The following PLXNA4 variants were observed in gnomAD, a reference collection of about 807,000 sequenced individuals.
PLXNA4 encodes the protein plexin-A4.
A neutral mutation model predicts 191.8 loss-of-function variants in PLXNA4; 44 were observed. The ratio of observed to expected loss-of-function variants is 0.23; its 90% CI spans 0.18 to 0.29. The LOEUF (loss-of-function observed/expected upper bound fraction) is 0.29, where lower values mean the gene tolerates loss of function less well. Among genes scored for constraint, PLXNA4 ranks in the 10% least tolerant of loss-of-function variants. The pLI, the probability that PLXNA4 is intolerant of heterozygous loss-of-function variation, is 1.00. For missense variants in PLXNA4, 1,800 were observed against 2,488.8 expected (o/e 0.72, Z 5.89); for synonymous variants, 1,082 against 1,009.5 (o/e 1.07, Z -1.36).
At chr7:132,286,840 C>G (rs896586373) in intron 4 of PLXNA4, among the ~76,000 whole-genome samples, 12 of 152,218 alleles carry the variant, frequency 7.9e-5, no homozygotes, top group African/African-American at 2.7e-4. Context: ...TGGGAGACCA[C>G]AGCCTCCTGG....
chr7:132,641,443 A>T (rs1789658645), intron 2 of PLXNA4, among the ~76,000 whole-genome samples: 1 of 152,126 alleles, frequency 6.6e-6, no homozygotes, highest in Non-Finnish European at 1.5e-5. Context: ...GACACCAGTC[A>T]TGTTGGATGA....
At chr7:132,354,186 CGTGTGT>C (rs59554805) in intron 3 of PLXNA4, among the ~76,000 whole-genome samples, 5 of 132,568 alleles carry the variant, frequency 3.8e-5, no homozygotes, top group African/African-American at 1.5e-4. Context: ...ACAGTGTGTG[CGTGTGT>C]GTGTGTGTGT....
intron 3 of PLXNA4, among the ~76,000 whole-genome samples, chr7:132,447,475 G>T (rs995025913): frequency 6.6e-6 from 1 of 152,170 alleles, no homozygotes; most frequent in African/African-American, 2.4e-5. Context: ...GAGGAGAAAG[G>T]GGATTATGAG....
chr7:132,185,221 A>G (rs1796836811), intron 16 of PLXNA4, 78 bp downstream of exon 16: 2 of 1,517,898 alleles, frequency 1.3e-6, no homozygotes, highest in Admixed American at 4.0e-5. Context: ...GGCCCCCAGA[A>G]CTCTCCTTGG....
intron 6 of PLXNA4, 113 bp downstream of exon 6, chr7:132,228,233 G>A: frequency 7.1e-7 from 1 of 1,415,406 alleles, no homozygotes; most frequent in Admixed American, 2.0e-5. Context: ...AGCTGCTTCT[G>A]CTGGCCGGGC....
chr7:132,626,783 C>T (rs1406014971), intron 2 of PLXNA4, among the ~76,000 whole-genome samples: 3 of 152,302 alleles, frequency 2.0e-5, no homozygotes, highest in South Asian at 4.1e-4. Context: ...GGGATTGCTT[C>T]AGCTGCAGAG....
At chr7:132,291,784 A>G (rs1800901565) in intron 4 of PLXNA4, among the ~76,000 whole-genome samples, 1 of 152,152 alleles carries the variant, frequency 6.6e-6, no homozygotes, top group Non-Finnish European at 1.5e-5. Context: ...ACTGGAACCC[A>G]AGGAGAGTTT....
intron 25 of PLXNA4, among the ~76,000 whole-genome samples, chr7:132,158,993 A>T (rs73155250): frequency 0.055 from 8,353 of 152,194 alleles, 331 homozygotes; most frequent in Non-Finnish European, 0.085. Context: ...ATTCTCTATC[A>T]CTGACCCAGA....
intron 3 of PLXNA4, among the ~76,000 whole-genome samples, chr7:132,379,174 C>T (rs73726030): frequency 6.6e-6 from 1 of 152,056 alleles, no homozygotes; most frequent in Non-Finnish European, 1.5e-5. Flanking sequence ...ATAACAGATG[C>T]CATAACATTT....
chr7:132,139,013 C>T (rs558595399), intron 30 of PLXNA4, among the ~76,000 whole-genome samples: 2 of 152,324 alleles, frequency 1.3e-5, no homozygotes, highest in Admixed American at 6.5e-5. Flanking sequence ...ATTGGCTGTC[C>T]ACATGGGAGG....
rs1442106526 is a variant in PLXNA4, at chr7:132,202,793, C to T, written c.2439G>A (p.Leu813=). The T allele has an allele frequency of 2.5e-6, 4 of 1,609,108 alleles. No individual in the cohort carries two copies. Among genetic ancestry groups the T allele is most frequent in the Non-Finnish European group, 3.4e-6 (4 of 1,177,696 alleles). Residue 813 remains leucine, a synonymous_variant, in exon 12 of 32, where the codon CTG becomes CTA. Transcript: ENST00000321063. ...CGAAGTCTGGGTCAGCCTTGAGGCA[C>T]AGCCCGCAGCTCTCACGCATGGCTC... ...KCGAMRESCG[L]CLKADPDFAC...
intron 2 of PLXNA4, among the ~76,000 whole-genome samples, chr7:132,593,404 C>A (rs1185639693): frequency 1.3e-5 from 2 of 152,174 alleles, no homozygotes; most frequent in Non-Finnish European, 2.9e-5. Context: ...TTTTGTGACA[C>A]CACCCCAGGT....
At chr7:132,322,855 C>G (rs531644613) in intron 3 of PLXNA4, among the ~76,000 whole-genome samples, 11 of 152,210 alleles carry the variant, frequency 7.2e-5, no homozygotes, top group Non-Finnish European at 1.5e-4. Flanking sequence ...TTGGATACCA[C>G]TGTTCTGGGG....
chr7:132,606,416 G>A (rs575122086), intron 2 of PLXNA4, among the ~76,000 whole-genome samples: 10 of 152,324 alleles, frequency 6.6e-5, no homozygotes, highest in Middle Eastern at 3.4e-3. Context: ...AGCAGGTTAG[G>A]GTAACAAAAG....
At chr7:132,253,514 G>T (rs1208517617) in intron 4 of PLXNA4, among the ~76,000 whole-genome samples, 2 of 151,792 alleles carry the variant, frequency 1.3e-5, no homozygotes, top group South Asian at 2.1e-4. Context: ...CACAGTGCTG[G>T]GATTACAGTC....
intron 1 of PLXNA4, among the ~76,000 whole-genome samples, chr7:132,553,212 C>G (rs1800640909): frequency 1.3e-5 from 2 of 152,238 alleles, no homozygotes; most frequent in African/African-American, 4.8e-5. Context: ...GGCCTGCAAC[C>G]TGCTCACCCT....
chr7:132,349,652 T>C (rs1466635743), intron 3 of PLXNA4, among the ~76,000 whole-genome samples: 1 of 152,184 alleles, frequency 6.6e-6, no homozygotes, highest in African/African-American at 2.4e-5. Context: ...TTCCCACAGT[T>C]TAAATGCATT....
chr7:132,436,037 A>G (rs910726634), intron 3 of PLXNA4, among the ~76,000 whole-genome samples: 1 of 152,216 alleles, frequency 6.6e-6, no homozygotes, highest in Admixed American at 6.5e-5. Context: ...CAGTTCCCAG[A>G]AAATGATGGG....
chr7:132,184,236 G>A (rs1156287134), intron 16 of PLXNA4, among the ~76,000 whole-genome samples: 2 of 152,206 alleles, frequency 1.3e-5, no homozygotes, highest in African/African-American at 4.8e-5. Context: ...AGGGGGCTGA[G>A]CCAGGCAGGG....
Sources: allele counts gnomAD v4.1 joint callset (sites outside exome capture counted in the v4.1 genomes callset), GRCh38; gene constraint gnomAD v4.1.1; transcripts MANE v1.5; gene names NCBI Gene and HGNC (gene_info 2026-07-23, HGNC 2026-07-21).